CBR4: variants seen among roughly 807,000 people sequenced by gnomAD.
The protein encoded by CBR4 is 3-oxoacyl-[acyl-carrier-protein] reductase.
A neutral mutation model predicts 21.0 loss-of-function variants in CBR4; 22 were observed. The ratio of observed to expected loss-of-function variants is 1.05; its 90% CI spans 0.75 to 1.50. The LOEUF (loss-of-function observed/expected upper bound fraction) is 1.50, where lower values mean the gene tolerates loss of function less well. Among genes scored for constraint, CBR4 ranks in the 40% most tolerant of loss-of-function variants. The pLI is 0.00. For synonymous variants in CBR4, 100 were observed against 104.4 expected (o/e 0.96, Z 0.26); for missense variants, 302 against 286.3 (o/e 1.05, Z -0.40).
chr4:168,968,845 T>C (rs1366033593), intron 2 of CBR4, among the ~76,000 whole-genome samples: 1 of 152,250 alleles, frequency 6.6e-6, no homozygotes, highest in African/African-American at 2.4e-5. Context: ...GGTTTCTATT[T>C]GTCTTTTCCT....
downstream of CBR4, among the ~76,000 whole-genome samples, chr4:168,985,329 A>C (rs538238987): frequency 1.8e-4 from 28 of 152,300 alleles, no homozygotes; most frequent in African/African-American, 6.3e-4. Context: ...GCAAATCAAA[A>C]CCAACATGAG....
At position 169,006,156 on chromosome 4, in the gene CBR4, A is replaced by C. The variant is rs112225763; in HGVS notation, c.400+599T>G. On this transcript the variant is annotated intron_variant, in intron 3 of 4. Transcript: ENST00000306193. ...ACACAAGATTTAACAGTAACCCATG[A>C]AACTGCTGTAGACAATATTATTTAG... Among the ~76,000 whole-genome samples, 147 of 152,296 alleles carry C rather than the reference A, an allele frequency of 9.7e-4. 1 individual carries two copies. The highest frequency in any genetic ancestry group is 3.4e-3 in the African/African-American group (142 of 41,550).
intron 3 of CBR4, chr4:169,005,980 C>A: frequency 9.3e-7 from 1 of 1,077,960 alleles, no homozygotes. Flanking sequence ...AATTACCAAA[C>A]TGAAATAAAA....
At chr4:168,943,592 T>C (rs1389552564) in intron 2 of CBR4, among the ~76,000 whole-genome samples, 1 of 151,944 alleles carries the variant, frequency 6.6e-6, no homozygotes, top group Non-Finnish European at 1.5e-5. Flanking sequence ...CAGAGAGAAG[T>C]TGAACATGTG....
intron 2 of CBR4, among the ~76,000 whole-genome samples, chr4:168,971,436 ATTTT>A (rs70961566): frequency 1.1e-4 from 13 of 114,078 alleles, no homozygotes; most frequent in Admixed American, 2.8e-4. Flanking sequence ...TGCCCAGCTC[ATTTT>A]TTTTTTTTTT....
At chr4:168,962,363 C>T (rs1276196260) in intron 2 of CBR4, among the ~76,000 whole-genome samples, 1 of 152,182 alleles carries the variant, frequency 6.6e-6, no homozygotes, top group East Asian at 1.9e-4. Flanking sequence ...TTTTCCAAGT[C>T]TGGACCACGT....
chr4:168,912,350 T>C (rs1759146474), intron 2 of CBR4, among the ~76,000 whole-genome samples: 2 of 152,246 alleles, frequency 1.3e-5, no homozygotes, highest in African/African-American at 4.8e-5. Context: ...TTTTCCTCTC[T>C]TGCTGTTACC....
At chr4:168,952,658 G>A (rs536089591) in intron 2 of CBR4, among the ~76,000 whole-genome samples, 2 of 152,266 alleles carry the variant, frequency 1.3e-5, no homozygotes, top group African/African-American at 4.8e-5. Context: ...GGCTTCCTGA[G>A]AGCCGAGCTG....
chr4:168,928,228 G>T (rs767548805), intron 2 of CBR4: 1 of 185,364 alleles, frequency 5.4e-6, no homozygotes, highest in Non-Finnish European at 1.1e-5. Context: ...TATGACTTAT[G>T]TCTTACTTGC....
At chr4:168,927,628 AAATT>A (rs56350773) in intron 2 of CBR4, 51 of 227,486 alleles carry the variant, frequency 2.2e-4, no homozygotes, top group Non-Finnish European at 3.9e-4. Context: ...TGGTAAATGA[AAATT>A]ATTAGTTCAC....
At chr4:168,967,155 A>G (rs1374570221) in intron 2 of CBR4, among the ~76,000 whole-genome samples, 1 of 152,188 alleles carries the variant, frequency 6.6e-6, no homozygotes, top group East Asian at 1.9e-4. Flanking sequence ...GCACATATAC[A>G]CCATGTAATA....
At chr4:168,928,149 T>C (rs928311367) in intron 2 of CBR4, 14 of 190,284 alleles carry the variant, frequency 7.4e-5, no homozygotes, top group Admixed American at 3.1e-4. Flanking sequence ...ACCGCACTTA[T>C]ATGCATTGCT....
chr4:169,003,220 G>A (rs924494575), intron 3 of CBR4, among the ~76,000 whole-genome samples: 5 of 152,148 alleles, frequency 3.3e-5, no homozygotes, highest in Admixed American at 6.5e-5. Flanking sequence ...AGGATTCACC[G>A]TTCTATATGC....
intron 2 of CBR4, among the ~76,000 whole-genome samples, chr4:168,948,320 G>A (rs1763449687): frequency 6.6e-6 from 1 of 152,174 alleles, no homozygotes; most frequent in Non-Finnish European, 1.5e-5. Context: ...TCTGTGGGTT[G>A]TCTGTTTAGT....
intron 2 of CBR4, among the ~76,000 whole-genome samples, chr4:168,956,571 C>CT (rs1763690665): frequency 7.7e-6 from 1 of 129,734 alleles, no homozygotes; most frequent in African/African-American, 2.9e-5. Flanking sequence ...GCACTCCAGC[C>CT]TGGGCGACAC....
At chr4:168,928,760 C>T (rs1431224155) in intron 2 of CBR4, among the ~76,000 whole-genome samples, 3 of 152,162 alleles carry the variant, frequency 2.0e-5, no homozygotes. Flanking sequence ...GCCTGTATTC[C>T]TTGCCATGTA....
chr4:168,913,373 G>A (rs1034595102), intron 2 of CBR4, among the ~76,000 whole-genome samples: 3 of 151,902 alleles, frequency 2.0e-5, no homozygotes, highest in African/African-American at 7.3e-5. Flanking sequence ...TCCTGACCTC[G>A]TGATCCACCT....
chr4:168,899,556 T>G (rs1416506816), intron 2 of CBR4, among the ~76,000 whole-genome samples: 1 of 152,036 alleles, frequency 6.6e-6, no homozygotes, highest in South Asian at 2.1e-4. Context: ...GAAATAACCA[T>G]GAGGAGAGTT....
At chr4:169,000,989 A>T (rs1489069740) in intron 4 of CBR4, among the ~76,000 whole-genome samples, 1 of 151,994 alleles carries the variant, frequency 6.6e-6, no homozygotes, top group East Asian at 1.9e-4. Context: ...TTTAATTTTT[A>T]TAGAGACAGG....
Sources: allele counts gnomAD v4.1 joint callset (sites outside exome capture counted in the v4.1 genomes callset), GRCh38; gene constraint gnomAD v4.1.1; transcripts MANE v1.5; gene names NCBI Gene and HGNC (gene_info 2026-07-23, HGNC 2026-07-21).